GPHN: variants seen among roughly 807,000 people sequenced by gnomAD.
GPHN encodes gephyrin.
In GPHN, 17 loss-of-function variants were observed where a neutral mutation model predicts 95.5. That is an observed-to-expected ratio of 0.18 (90% CI 0.12 to 0.27). The LOEUF (loss-of-function observed/expected upper bound fraction) is 0.27. Among genes scored for constraint, GPHN ranks in the 10% least tolerant of loss-of-function variants. The pLI, the probability that GPHN is intolerant of heterozygous loss-of-function variation, is 1.00. For missense variants in GPHN, 660 were observed against 978.1 expected (o/e 0.67, Z 4.34); for synonymous variants, 320 against 322.5 (o/e 0.99, Z 0.08).
chr14:67,342,007 A>G, the GPHN span, among the ~76,000 whole-genome samples: 22,982 of 150,916 alleles, frequency 0.15, 3,314 homozygotes, highest in East Asian at 0.42. Context: ...AAGAGTCATC[A>G]CCACTCCCTA....
the GPHN span, chr14:67,727,274 A>G: frequency 1.7e-5 from 17 of 976,744 alleles, no homozygotes; most frequent in Non-Finnish European, 2.4e-5. Context: ...CAGGCTGTCA[A>G]ACATGCACGT....
the GPHN span, among the ~76,000 whole-genome samples, chr14:67,718,751 G>A: frequency 3.5e-3 from 526 of 152,272 alleles, 3 homozygotes; most frequent in African/African-American, 0.012. Flanking sequence ...TATCCTATTG[G>A]TCCCTGGCTT....
chr14:66,817,496 T>C (rs1211229585), intron 3 of GPHN, among the ~76,000 whole-genome samples: 3 of 152,198 alleles, frequency 2.0e-5, no homozygotes. Context: ...GTTGTTTTTG[T>C]ATTGTATTGT....
chr14:67,714,171 C>T, the GPHN span, among the ~76,000 whole-genome samples: 3 of 152,106 alleles, frequency 2.0e-5, no homozygotes, highest in Non-Finnish European at 2.9e-5. Context: ...GGTCTTGCTC[C>T]GTCTCCCAGG....
chr14:66,689,118 G>C (rs905681876), intron 2 of GPHN, among the ~76,000 whole-genome samples: 5 of 151,938 alleles, frequency 3.3e-5, no homozygotes, highest in African/African-American at 1.2e-4. Context: ...TTTTGTTCCA[G>C]AACTTAGAGG....
chr14:66,900,067 ATTG>A (rs1443588447), intron 5 of GPHN, among the ~76,000 whole-genome samples: 1 of 151,692 alleles, frequency 6.6e-6, no homozygotes, highest in Non-Finnish European at 1.5e-5. Flanking sequence ...GTATTCTCTT[ATTG>A]TTATTTTCTC....
chr14:67,638,290 A>G, the GPHN span, among the ~76,000 whole-genome samples: 1 of 152,104 alleles, frequency 6.6e-6, no homozygotes, highest in Non-Finnish European at 1.5e-5. Context: ...TTAGAAGGCC[A>G]TGATGGGAGC....
chr14:66,670,304 G>C (rs1296822844), intron 1 of GPHN, among the ~76,000 whole-genome samples: 1 of 152,188 alleles, frequency 6.6e-6, no homozygotes, highest in Non-Finnish European at 1.5e-5. Flanking sequence ...ATGTTTGGAA[G>C]ATTTCATGTA....
chr14:66,973,831 G>A (rs770241491), intron 9 of GPHN, among the ~76,000 whole-genome samples: 78 of 152,122 alleles, frequency 5.1e-4, no homozygotes, highest in Non-Finnish European at 8.7e-4. Flanking sequence ...TATATAACTG[G>A]GGATAGCTCA....
chr14:67,503,101 G>A, the GPHN span, among the ~76,000 whole-genome samples: 2 of 152,254 alleles, frequency 1.3e-5, no homozygotes, highest in South Asian at 2.1e-4. Flanking sequence ...GGCGCTGCAC[G>A]GAGAGATCAG....
chr14:67,082,544 T>G (rs1243415202), intron 11 of GPHN, among the ~76,000 whole-genome samples: 1 of 152,162 alleles, frequency 6.6e-6, no homozygotes, highest in Non-Finnish European at 1.5e-5. Flanking sequence ...CTTCATAATA[T>G]GTTTTGAAAT....
intron 1 of GPHN, among the ~76,000 whole-genome samples, chr14:66,582,340 A>T (rs911126572): frequency 6.6e-6 from 1 of 152,064 alleles, no homozygotes; most frequent in Non-Finnish European, 1.5e-5. Context: ...ACAAATGAAA[A>T]TACTACATAA....
At chr14:67,258,987 C>T in the GPHN span, among the ~76,000 whole-genome samples, 5 of 151,902 alleles carry the variant, frequency 3.3e-5, no homozygotes, top group South Asian at 4.2e-4. Context: ...GGACTACAGG[C>T]GCGTGCCACC....
At chr14:67,308,497 A>G in the GPHN span, among the ~76,000 whole-genome samples, 1 of 151,428 alleles carries the variant, frequency 6.6e-6, no homozygotes, top group Non-Finnish European at 1.5e-5. Flanking sequence ...CAAGTGGAAT[A>G]TAGATCCTGA....
At chr14:67,642,171 C>G in the GPHN span, 3 of 1,611,886 alleles carry the variant, frequency 1.9e-6, no homozygotes. Context: ...CTTGTCATCC[C>G]TCATTTGCTT....
At chr14:67,657,623 C>CA in the GPHN span, among the ~76,000 whole-genome samples, 24,176 of 139,902 alleles carry the variant, frequency 0.17, 2,015 homozygotes, top group African/African-American at 0.25. Context: ...CACACACACA[C>CA]CCAAAATCAA....
At chr14:67,106,986 G>T (rs2078076971) in intron 13 of GPHN, among the ~76,000 whole-genome samples, 1 of 152,030 alleles carries the variant, frequency 6.6e-6, no homozygotes, top group Non-Finnish European at 1.5e-5. Flanking sequence ...GCCTGTAGTT[G>T]GGCTTTAGTG....
chr14:67,348,474 G>A, the GPHN span, among the ~76,000 whole-genome samples: 1 of 151,428 alleles, frequency 6.6e-6, no homozygotes. Context: ...CAAAGTGCTG[G>A]GATTACAGGT....
intron 2 of GPHN, among the ~76,000 whole-genome samples, chr14:66,685,437 G>A (rs1216126427): frequency 2.6e-5 from 4 of 152,094 alleles, no homozygotes; most frequent in Admixed American, 6.6e-5. Context: ...TTTAATGATT[G>A]CCATTCTAAC....
Sources: allele counts gnomAD v4.1 joint callset (sites outside exome capture counted in the v4.1 genomes callset), GRCh38; gene constraint gnomAD v4.1.1; transcripts MANE v1.5; gene names NCBI Gene and HGNC (gene_info 2026-07-23, HGNC 2026-07-21).